Variants in WWOX observed in about 807,000 individuals in gnomAD.
The protein encoded by WWOX is WW domain-containing oxidoreductase.
In WWOX, 69 loss-of-function variants were observed where a neutral mutation model predicts 46.2. The observed-to-expected ratio is 1.49, with a 90% confidence interval of 1.23 to 1.82. The LOEUF (loss-of-function observed/expected upper bound fraction) is 1.82. Among genes scored for constraint, WWOX ranks in the 40% most tolerant of loss-of-function variants. The pLI, the probability that WWOX is intolerant of heterozygous loss-of-function variation, is 0.00. For synonymous variants in WWOX, 359 were observed against 202.6 expected, an observed-to-expected ratio of 1.77 and a Z score of -6.56; for missense variants, 919 against 542.6, an observed-to-expected ratio of 1.69 and a Z score of -6.89.
chr16:79,150,139 T>C lies in WWOX; in HGVS notation c.1057-61469T>C, dbSNP rs528519823. 6.6e-5 allele frequency among the ~76,000 whole-genome samples: 10 copies of C among 152,362 alleles called. No homozygotes were observed. The East Asian group carries it at 1.7e-3, about 26-fold the overall frequency. Reference sequence around the variant, plus strand: ...GGCTCTGGTTCACCAAGCTTAGCTCTGCTCAGTCTACCTTTAGCAGAAGAT... The same window carrying C: ...GGCTCTGGTTCACCAAGCTTAGCTCCGCTCAGTCTACCTTTAGCAGAAGAT... On this transcript the variant is annotated intron_variant, in intron 8 of 8. Transcript: ENST00000566780.
At chr16:78,603,362 G>T (rs2550601) in intron 8 of WWOX, among the ~76,000 whole-genome samples, 1 of 152,102 alleles carries the variant, frequency 6.6e-6, no homozygotes, top group African/African-American at 2.4e-5. Flanking sequence ...AGGGATGAAC[G>T]CCCCCACTGG....
intron 4 of WWOX, among the ~76,000 whole-genome samples, chr16:78,142,850 C>G (rs2034034103): frequency 6.6e-6 from 1 of 152,168 alleles, no homozygotes; most frequent in Non-Finnish European, 1.5e-5. Context: ...TAGAAACTGC[C>G]TTATTCAATA....
At chr16:78,457,837 T>A (rs995976660) in intron 8 of WWOX, among the ~76,000 whole-genome samples, 4 of 143,650 alleles carry the variant, frequency 2.8e-5, no homozygotes, top group Non-Finnish European at 6.0e-5. Context: ...AATGGCCTGA[T>A]CCCGGGAGGC....
In WWOX at chr16:78,885,984, G is replaced by A. The variant is rs1160213514; in HGVS notation, c.1057-325624G>A. Among the ~76,000 whole-genome samples the A allele has an allele frequency of 4.0e-5, 6 of 149,118 alleles. No individual in the cohort carries two copies. In the South Asian group the frequency reaches 1.1e-3, roughly 27 times the overall value. ...CTGTTGCCCAGGCTGGAGTGCAGTA[G>A]CACCATCTTGGCTTGCTGCAACCTC... On this transcript the variant is annotated intron_variant, in intron 8 of 8. Transcript: ENST00000566780.
intron 6 of WWOX, 61 bp downstream of exon 6, chr16:78,387,009 G>A: frequency 1.3e-6 from 2 of 1,515,242 alleles, no homozygotes; most frequent in Non-Finnish European, 9.2e-7. Flanking sequence ...ATCTTTATCA[G>A]ATGAACACAA....
At chr16:79,002,643 G>A (rs1318441218) in intron 8 of WWOX, among the ~76,000 whole-genome samples, 9 of 152,198 alleles carry the variant, frequency 5.9e-5, no homozygotes, top group Non-Finnish European at 1.0e-4. Context: ...TTTATTAAGT[G>A]CTTCACTTGT....
chr16:78,275,838 G>A (rs975898923), intron 5 of WWOX, among the ~76,000 whole-genome samples: 2 of 152,180 alleles, frequency 1.3e-5, no homozygotes, highest in Non-Finnish European at 1.5e-5. Flanking sequence ...TGTTTTTGCA[G>A]CATGTCTGGT....
At chr16:78,638,453 A>G (rs1032041329) in intron 8 of WWOX, among the ~76,000 whole-genome samples, 24 of 151,962 alleles carry the variant, frequency 1.6e-4, no homozygotes, top group African/African-American at 5.8e-4. Flanking sequence ...TCTGCAAGCA[A>G]CATCTGAAAG....
intron 4 of WWOX, among the ~76,000 whole-genome samples, chr16:78,132,316 A>G (rs546161721): frequency 5.9e-5 from 9 of 151,950 alleles, no homozygotes; most frequent in South Asian, 2.1e-4. Flanking sequence ...GTGAGCCACC[A>G]CGCCCGGCCT....
At chr16:78,970,929 G>C (rs189758458) in intron 8 of WWOX, among the ~76,000 whole-genome samples, 1 of 152,102 alleles carries the variant, frequency 6.6e-6, no homozygotes, top group South Asian at 2.1e-4. Flanking sequence ...GGTGGTCTCT[G>C]TTTTGCTTAC....
intron 5 of WWOX, among the ~76,000 whole-genome samples, chr16:78,182,748 C>T (rs766919702): frequency 3.5e-4 from 53 of 151,854 alleles, no homozygotes; most frequent in Non-Finnish European, 6.5e-4. Context: ...GTCAGGAGAT[C>T]GAGACCATCC....
intron 8 of WWOX, among the ~76,000 whole-genome samples, chr16:78,889,383 G>A (rs1326659616): frequency 3.2e-5 from 4 of 124,746 alleles, no homozygotes; most frequent in Admixed American, 1.1e-4. Context: ...TGGATCAGCA[G>A]CCTAAACCCT....
chr16:78,501,193 C>CTCTTTTTTTTTTTTT (rs1567609023), intron 8 of WWOX, among the ~76,000 whole-genome samples: 7 of 90,934 alleles, frequency 7.7e-5, no homozygotes, highest in East Asian at 3.5e-4. Flanking sequence ...CTTTCTTTCT[C>CTCTTTTTTTTTTTTT]TTTTTTTTTT....
At chr16:78,885,278 T>G (rs558961560) in intron 8 of WWOX, among the ~76,000 whole-genome samples, 1 of 152,032 alleles carries the variant, frequency 6.6e-6, no homozygotes, top group Admixed American at 6.6e-5. Flanking sequence ...TTCTTCCATC[T>G]GTATTTTCTT....
chr16:78,780,894 G>T (rs958115563), intron 8 of WWOX, among the ~76,000 whole-genome samples: 2 of 152,194 alleles, frequency 1.3e-5, no homozygotes, highest in South Asian at 2.1e-4. Flanking sequence ...TTAAAGATCT[G>T]TCTGGCTGCC....
intron 8 of WWOX, among the ~76,000 whole-genome samples, chr16:78,991,749 A>C (rs1228495468): frequency 6.6e-6 from 1 of 152,140 alleles, no homozygotes; most frequent in Admixed American, 6.5e-5. Context: ...AAGATGAAAC[A>C]GGAAGGTGAG....
intron 8 of WWOX, among the ~76,000 whole-genome samples, chr16:78,458,075 C>T (rs1382037499): frequency 6.6e-6 from 1 of 151,218 alleles, no homozygotes; most frequent in African/African-American, 2.4e-5. Flanking sequence ...AAAACTTTAC[C>T]TGGGCTTAGT....
intron 8 of WWOX, among the ~76,000 whole-genome samples, chr16:79,055,089 T>G (rs911422705): frequency 7.2e-5 from 11 of 152,296 alleles, no homozygotes; most frequent in African/African-American, 2.4e-4. Flanking sequence ...TAATAGCCAG[T>G]GAATATAAAA....
chr16:78,832,731 T>A (rs890076361), intron 8 of WWOX, among the ~76,000 whole-genome samples: 17 of 152,268 alleles, frequency 1.1e-4, no homozygotes, highest in Middle Eastern at 3.4e-3. Flanking sequence ...AAGGGAATCA[T>A]GTGTCATGGT....
Sources: gnomAD v4.1 joint callset for allele counts (sites outside exome capture counted in the v4.1 genomes callset) on GRCh38, gnomAD v4.1.1 for gene constraint, MANE v1.5 for transcripts, NCBI Gene and HGNC (gene_info 2026-07-23, HGNC 2026-07-21) for gene names.